ALG2: variants seen among roughly 807,000 people sequenced by gnomAD.
ALG2 encodes the protein alpha-1,3/1,6-mannosyltransferase ALG2.
A neutral mutation model predicts 30.5 loss-of-function variants in ALG2; 32 were observed. The ratio of observed to expected loss-of-function variants is 1.05; its 90% CI spans 0.79 to 1.41. The LOEUF (loss-of-function observed/expected upper bound fraction) is 1.41, where lower values mean the gene tolerates loss of function less well. Ranked by LOEUF, ALG2 falls within the 40% of genes most tolerant of loss-of-function variation. The pLI is 0.00. For synonymous variants in ALG2, 253 were observed against 224.8 expected (o/e 1.13, Z -1.12); for missense variants, 574 against 526.4 (o/e 1.09, Z -0.88).
At position 99,217,855 on chromosome 9, in the gene ALG2, C is replaced by G. The variant is rs1828720274; in HGVS notation, c.*79G>C. ...TAAAAGATCTCTTCTGCATTAGATTCTAGGTTTCTTTTTTGGTTTCAAAAC... is the reference window on the plus strand; with the variant it reads ...TAAAAGATCTCTTCTGCATTAGATTGTAGGTTTCTTTTTTGGTTTCAAAAC... On this transcript the variant is annotated 3_prime_UTR_variant, in exon 2 of 2. Transcript: ENST00000476832. 2.7e-6 allele frequency: 4 copies of G among 1,474,982 alleles called. No individual in the cohort carries two copies. Among genetic ancestry groups the G allele is most frequent in the Non-Finnish European group, 3.8e-6 (4 of 1,056,518 alleles). The allele number at this position is 1,474,982 out of a possible 1,614,324, so 91.4% of individuals were successfully genotyped here.
intron 1 of ALG2, among the ~76,000 whole-genome samples, chr9:99,220,183 C>T (rs1039492564): frequency 9.2e-5 from 14 of 151,968 alleles, no homozygotes; most frequent in African/African-American, 3.4e-4. Context: ...TTTCCTCAAA[C>T]GACATATTTG....
At position 99,216,922 on chromosome 9, in the gene ALG2, T is replaced by C. The variant is rs1189945088; in HGVS notation, c.*1012A>G. The C allele has an allele frequency of 8.8e-6, 4 of 454,140 alleles. No individual in the cohort carries two copies. Among genetic ancestry groups the C allele is most frequent in the South Asian group, 4.7e-5 (3 of 64,478 alleles). The allele number at this position is 454,140 out of a possible 1,614,324, so 28.1% of individuals were successfully genotyped here. ...GGAAATGAATTTAGCCTTAGAAGTA[T>C]GTTGAAAACTACTGTTTATGATTTG... is the stretch of plus-strand genomic sequence containing the variant. On this transcript the variant is annotated 3_prime_UTR_variant, in exon 2 of 2. Transcript: ENST00000476832.
chr9:99,218,665 A>T lies in ALG2; in HGVS notation c.520T>A (p.Leu174Ile). The T allele has an allele frequency of 6.2e-7, 1 of 1,614,180 alleles. No homozygotes were observed. Among genetic ancestry groups the T allele is most frequent in the Non-Finnish European group, 8.5e-7 (1 of 1,180,004 alleles). ...EYTTGMADCI[L>I]VNSQFTAAVF... The stretch of plus-strand genomic sequence containing the variant: ...GCAGCTGTGAACTGGCTGTTGACTA[A>T]GATGCAGTCTGCCATGCCTGTGGTG... Residue 174 changes from leucine to isoleucine, a missense_variant, in exon 2 of 2, where the codon TTA becomes ATA. By Grantham distance (5) the Leu-to-Ile change is conservative (BLOSUM62 2). Transcript: ENST00000476832.
Position 99,221,771 on chromosome 9 carries a change from C to T in ALG2, c.124G>A (p.Ala42Thr), listed in dbSNP as rs758240753. Residue 42 changes from alanine (A) to threonine (T), a missense_variant, in exon 1 of 2, where the codon GCG becomes ACG. Transcript: ENST00000476832. Reference sequence around the variant, plus strand: ...CAGATCTTCACGCTACACCCGCGCGCCTGCAGCGCCAGCGCCGCGTCCAAC... The same window carrying T: ...CAGATCTTCACGCTACACCCGCGCGTCTGCAGCGCCAGCGCCGCGTCCAAC... Reference protein sequence around the residue: ...LVLDAALALQARGCSVKIWTA... With the variant: ...LVLDAALALQTRGCSVKIWTA... The T allele has an allele frequency of 1.9e-6, 3 of 1,598,638 alleles. No individual in the cohort carries two copies. The highest frequency in any genetic ancestry group is 2.5e-6 in the Non-Finnish European group (3 of 1,179,530).
rs747781559 is a variant in ALG2 at position 99,221,581 on chromosome 9, G to A, written c.314C>T (p.Ala105Val). The A allele has an allele frequency of 5.8e-6, 9 of 1,544,552 alleles. 1 individual carries two copies. In the South Asian group the frequency reaches 9.5e-5, roughly 16 times the overall value. ...CACTACCACGTCGAACTCCTCGTCG[G>A]CGAGGAACAGCACGTAGAGCGCCAG... ...VFLALYVLFLADEEFDVVVCD... is the reference protein window; with the variant it reads ...VFLALYVLFLVDEEFDVVVCD... Residue 105 changes from alanine (A) to valine (V), a missense_variant, in exon 1 of 2, where the codon GCC becomes GTC. Ala to Val is a moderately conservative substitution (Grantham distance 64, BLOSUM62 0). Transcript: ENST00000476832.
intron 1 of ALG2, among the ~76,000 whole-genome samples, 182 bp from the exon 2 acceptor site, chr9:99,219,018 G>A (rs1828748614): frequency 6.6e-6 from 1 of 152,120 alleles, no homozygotes; most frequent in South Asian, 2.1e-4. Context: ...GGCTACAGAC[G>A]TTTGCTAGAT....
rs757754283 is a variant in ALG2 at position 99,221,504 on chromosome 9, G to A, written c.348+43C>T. ...GGTCATGCCCGCGGCCGCCCTCCAC[G>A]GCGAGGTCCGCACTCGCGCAGCCGG... is the stretch of plus-strand genomic sequence containing the variant. On this transcript the variant is annotated intron_variant, in intron 1 of 1. Coordinates refer to ENST00000476832, the MANE Select transcript of ALG2 (RefSeq NM_033087.4). 2.6e-6 allele frequency: 4 copies of A among 1,531,636 alleles called. No homozygotes were observed. In the South Asian group the frequency reaches 3.6e-5, roughly 14 times the overall value. The allele number at this position is 1,531,636 out of a possible 1,614,324, so 94.9% of individuals were successfully genotyped here. A position where few individuals can be genotyped will look rare whatever the true frequency, so the allele number is the denominator to read the frequency against.
rs544811110 is a variant in ALG2 at position 99,218,148 on chromosome 9, G to A, written c.1037C>T (p.Ser346Leu). 9.3e-6 allele frequency: 15 copies of A among 1,611,338 alleles called. No individual in the cohort carries two copies. The highest frequency in any genetic ancestry group is 2.7e-5 in the African/African-American group (2 of 74,962). The part of the protein sequence containing the change: ...YMQCPVIAVN[S>L]GGPLESIDHS... ...GTCAATGGACTCCAAGGGTCCACCC[G>A]AATTAACAGCAATGACTGGGCACTG... Residue 346 changes from serine to leucine, a missense_variant, in exon 2 of 2, where the codon TCG becomes TTG. Ser to Leu is a moderately radical substitution (Grantham distance 145). Coordinates refer to ENST00000476832, the MANE Select transcript of ALG2 (RefSeq NM_033087.4).
rs1168617711 is a variant in ALG2, at chr9:99,218,463, G to A, written c.722C>T (p.Thr241Ile). The part of the protein sequence containing the change: ...INRYERKKNL[T>I]LALEALVQLR... ...CTGTACTAGGGCTTCCAGTGCCAAA[G>A]TCAGATTTTTCTTCCTTTCGTATCT... Residue 241 changes from threonine (T) to isoleucine (I), a missense_variant, in exon 2 of 2, where the codon ACT becomes ATT. Physicochemically the swap from Thr to Ile is moderately conservative, Grantham distance 89. Coordinates refer to ENST00000476832, the MANE Select transcript of ALG2 (RefSeq NM_033087.4). 1 of 1,614,236 alleles carries A rather than the reference G, an allele frequency of 6.2e-7. No individual in the cohort carries two copies. The highest frequency in any genetic ancestry group is 2.2e-5 in the East Asian group (1 of 44,886).
intron 1 of ALG2, among the ~76,000 whole-genome samples, chr9:99,220,674 A>AAAGAAGT (rs112374143): frequency 0.071 from 10,870 of 152,236 alleles, 400 homozygotes; most frequent in Non-Finnish European, 0.079. Flanking sequence ...TTTTGCTGAA[A>AAAGAAGT]AAGATGCCTA....
chr9:99,216,579 A>T lies in ALG2; in HGVS notation c.*1355T>A, dbSNP rs190309728. ...TGTAAAATGGAATTTCACCCATTGA[A>T]GAGCCCCAAAAGAACAATATGGTAG... On this transcript the variant is annotated 3_prime_UTR_variant, in exon 2 of 2. Coordinates refer to ENST00000476832, the MANE Select transcript of ALG2 (RefSeq NM_033087.4). 7.0e-5 allele frequency: 32 copies of T among 454,148 alleles called. No homozygotes were observed. The Admixed American group carries it at 7.3e-4, about 10-fold the overall frequency. 28.1% of individuals were successfully genotyped at this position (454,148 alleles called of 1,614,324 possible). A position where few individuals can be genotyped will look rare whatever the true frequency, so the allele number is the denominator to read the frequency against.
Position 99,221,929 on chromosome 9 carries a change from T to G in ALG2, c.-35A>C, listed in dbSNP as rs2119009475. Reference sequence around the variant, plus strand: ...GCCGCAACTGCACCCCGCACCCTGATGGGGGTCTTCTGCGCAAGCTCCGCG... The same window carrying G: ...GCCGCAACTGCACCCCGCACCCTGAGGGGGGTCTTCTGCGCAAGCTCCGCG... On this transcript the variant is annotated 5_prime_UTR_variant, in exon 1 of 2. Transcript: ENST00000476832. 4 of 1,549,726 alleles carry G rather than the reference T, an allele frequency of 2.6e-6. No homozygotes were observed. The highest frequency in any genetic ancestry group is 3.5e-6 in the Non-Finnish European group (4 of 1,152,066).
rs755441792 is a variant in ALG2 at position 99,221,935 on chromosome 9, T to C, written c.-41A>G. On this transcript the variant is annotated 5_prime_UTR_variant, in exon 1 of 2. Coordinates refer to ENST00000476832, the MANE Select transcript of ALG2 (RefSeq NM_033087.4). ...ACTGCACCCCGCACCCTGATGGGGG[T>C]CTTCTGCGCAAGCTCCGCGCTCGTA... The C allele has an allele frequency of 7.2e-6, 11 of 1,533,352 alleles. No homozygotes were observed. The highest frequency in any genetic ancestry group is 1.9e-5 in the Admixed American group (1 of 53,058). The allele number at this position is 1,533,352 out of a possible 1,614,324, so 95.0% of individuals were successfully genotyped here.
In ALG2 at chr9:99,221,574, C is replaced by G. The variant is rs867509084; in HGVS notation, c.321G>C (p.Glu107Asp). The part of the protein sequence containing the change: ...LALYVLFLAD[E>D]EFDVVVCDQV... ...GGTCGCACACTACCACGTCGAACTC[C>G]TCGTCGGCGAGGAACAGCACGTAGA... The change falls in exon 1 of 2, where the codon GAG becomes GAC. Residue 107 changes from glutamate to aspartate, a missense_variant. Physicochemically the swap from Glu to Asp is conservative, Grantham distance 45. Coordinates refer to ENST00000476832, the MANE Select transcript of ALG2 (RefSeq NM_033087.4). 1.9e-6 allele frequency: 3 copies of G among 1,544,484 alleles called. No homozygotes were observed. The highest frequency in any genetic ancestry group is 2.7e-5 in the African/African-American group (2 of 72,982).
intron 1 of ALG2, 29 bp downstream of exon 1, chr9:99,221,518 T>C: frequency 6.5e-7 from 1 of 1,538,768 alleles, no homozygotes; most frequent in Non-Finnish European, 8.7e-7. Flanking sequence ...AGGTCCGCAC[T>C]CGCGCAGCCG....
Position 99,217,946 on chromosome 9 carries a change from T to C in ALG2, c.1239A>G (p.Lys413=). 1 of 1,614,214 alleles carries C rather than the reference T, an allele frequency of 6.2e-7. No individual in the cohort carries two copies. The highest frequency in any genetic ancestry group is 1.1e-5 in the South Asian group (1 of 91,084). ...AAAAACAATCTGATTATACCAGCAG[T>C]TTGGTAACATATCGGTAGAGCTGTT... The part of the protein sequence containing the change: ...FTEQLYRYVT[K]LLV Residue 413 remains lysine, a synonymous_variant, in exon 2 of 2, where the codon AAA becomes AAG. Coordinates refer to ENST00000476832, the MANE Select transcript of ALG2 (RefSeq NM_033087.4).
rs1588617725 is a variant in ALG2, at chr9:99,216,448, C to T, written c.*1486G>A. 2.4e-6 allele frequency: 1 copy of T among 423,130 alleles called. No individual in the cohort carries two copies. Among genetic ancestry groups the T allele is most frequent in the Non-Finnish European group, 4.7e-6 (1 of 212,668 alleles). 26.2% of individuals were successfully genotyped at this position (423,130 alleles called of 1,614,324 possible). On this transcript the variant is annotated 3_prime_UTR_variant, in exon 2 of 2. Transcript: ENST00000476832. The stretch of plus-strand genomic sequence containing the variant: ...AATGGAATGCAACAGAACTTTTAAT[C>T]CCATAAAAGACTCAATATATTTGGC...
At chr9:99,219,897 G>A (rs561388042) in intron 1 of ALG2, among the ~76,000 whole-genome samples, 2 of 152,260 alleles carry the variant, frequency 1.3e-5, no homozygotes, top group Admixed American at 1.3e-4. Context: ...AAATGTCCAC[G>A]TTACTTAAAA....
chr9:99,221,434 G>A, intron 1 of ALG2, 113 bp downstream of exon 1: 2 of 1,251,672 alleles, frequency 1.6e-6, no homozygotes, highest in Non-Finnish European at 2.2e-6. Flanking sequence ...CTCCATGTCA[G>A]TTCCGATCTT....
Sources: gnomAD v4.1 joint callset for allele counts (sites outside exome capture counted in the v4.1 genomes callset) on GRCh38, gnomAD v4.1.1 for gene constraint, MANE v1.5 for transcripts, NCBI Gene and HGNC (gene_info 2026-07-23, HGNC 2026-07-21) for gene names.